Variants in NAV3 observed in about 807,000 individuals in gnomAD.
NAV3 encodes the protein pore membrane and/or filament interacting like protein 1.
Under a neutral mutation model 244.7 loss-of-function variants are expected in NAV3, and 87 were observed. That is an observed-to-expected ratio of 0.36 (90% confidence interval 0.30 to 0.42). The LOEUF is 0.42. Ranked by LOEUF, NAV3 falls within the 20% of genes least tolerant of loss-of-function variation. The pLI, the probability that NAV3 is intolerant of heterozygous loss-of-function variation, is 1.00. For synonymous variants in NAV3, 1,126 were observed against 1,042.2 expected (o/e 1.08, Z -1.55); for missense variants, 2,663 against 2,893.3 (o/e 0.92, Z 1.83).
At chr12:77,708,364 T>C (rs1043139357) in intron 2 of NAV3, among the ~76,000 whole-genome samples, 2 of 152,156 alleles carry the variant, frequency 1.3e-5, no homozygotes, top group Non-Finnish European at 2.9e-5. Flanking sequence ...GATCAGATGG[T>C]TGTAGATGTG....
intron 25 of NAV3, among the ~76,000 whole-genome samples, chr12:78,176,042 A>G (rs1003682776): frequency 6.6e-6 from 1 of 152,046 alleles, no homozygotes; most frequent in African/African-American, 2.4e-5. Flanking sequence ...AATCAACCAC[A>G]TTAGTGTCTG....
intron 2 of NAV3, among the ~76,000 whole-genome samples, chr12:77,776,286 A>G (rs1232464876): frequency 6.6e-6 from 1 of 152,246 alleles, no homozygotes; most frequent in Non-Finnish European, 1.5e-5. Context: ...AAAGGAAGAC[A>G]AGACCATATA....
At chr12:77,668,463 A>G (rs796991980) in intron 2 of NAV3, among the ~76,000 whole-genome samples, 13 of 152,346 alleles carry the variant, frequency 8.5e-5, no homozygotes, top group African/African-American at 2.6e-4. Flanking sequence ...CTAGAAATCA[A>G]GGACACACTT....
intron 1 of NAV3, among the ~76,000 whole-genome samples, chr12:77,932,829 A>G (rs918108289): frequency 1.3e-4 from 20 of 152,122 alleles, no homozygotes; most frequent in Non-Finnish European, 2.8e-4. Flanking sequence ...CTCTTCCTTT[A>G]GTGTTTCCAT....
intron 2 of NAV3, among the ~76,000 whole-genome samples, chr12:77,810,145 C>G (rs1316896242): frequency 6.6e-6 from 1 of 152,022 alleles, no homozygotes; most frequent in African/African-American, 2.4e-5. Context: ...TTTTTTTGTA[C>G]AAGACCCATT....
At chr12:77,642,857 T>C (rs1258417767) in intron 2 of NAV3, among the ~76,000 whole-genome samples, 2 of 152,128 alleles carry the variant, frequency 1.3e-5, no homozygotes, top group Non-Finnish European at 2.9e-5. Flanking sequence ...CTTATACTAG[T>C]TTATTATTAA....
At chr12:77,983,840 C>T (rs1026829465) in intron 5 of NAV3, among the ~76,000 whole-genome samples, 3 of 152,130 alleles carry the variant, frequency 2.0e-5, no homozygotes, top group Admixed American at 6.6e-5. Flanking sequence ...AGAAGTACTT[C>T]GTCTTCTGAG....
intron 2 of NAV3, among the ~76,000 whole-genome samples, chr12:77,774,473 A>G (rs969781328): frequency 3.3e-5 from 5 of 152,230 alleles, no homozygotes; most frequent in African/African-American, 1.2e-4. Flanking sequence ...AAATGTTCAC[A>G]AAAAGCTGAA....
chr12:78,176,490 C>T (rs2611267), intron 26 of NAV3, 31 bp downstream of exon 26: 8 of 1,610,724 alleles, frequency 5.0e-6, no homozygotes, highest in Admixed American at 3.3e-5. Flanking sequence ...ATTTGGCATG[C>T]ATCTATAAAA....
chr12:77,931,105 A>AT (rs57999180), intron 1 of NAV3, among the ~76,000 whole-genome samples: 53,477 of 151,714 alleles, frequency 0.35, 9,931 homozygotes, highest in African/African-American at 0.47. Flanking sequence ...TGGAACTAGT[A>AT]TTTTTTTGAC....
intron 2 of NAV3, among the ~76,000 whole-genome samples, chr12:77,802,014 T>C (rs1339969866): frequency 6.6e-6 from 1 of 152,188 alleles, no homozygotes; most frequent in Non-Finnish European, 1.5e-5. Flanking sequence ...AATAAATGAA[T>C]GATCATGTAG....
chr12:77,946,141 A>G (rs1042820332), intron 3 of NAV3, among the ~76,000 whole-genome samples: 4 of 148,400 alleles, frequency 2.7e-5, no homozygotes, highest in African/African-American at 9.8e-5. Flanking sequence ...ATACACATAT[A>G]TGTACATATA....
chr12:78,184,516 G>A (rs937967487), intron 30 of NAV3, among the ~76,000 whole-genome samples: 2 of 151,790 alleles, frequency 1.3e-5, no homozygotes, highest in Non-Finnish European at 2.9e-5. Flanking sequence ...TTATTGCAAA[G>A]CTCTAAAAGT....
At chr12:78,043,685 G>A (rs1212017617) in intron 9 of NAV3, among the ~76,000 whole-genome samples, 3 of 152,168 alleles carry the variant, frequency 2.0e-5, no homozygotes, top group Non-Finnish European at 4.4e-5. Context: ...ATGACCAGTG[G>A]ATGATGAGCT....
rs534672821 is a variant in NAV3 at position 77,848,860 on chromosome 12, T to A, written c.243+17156T>A. 2.0e-5 allele frequency among the ~76,000 whole-genome samples: 3 copies of A among 152,262 alleles called. No homozygotes were observed. In the South Asian group the frequency reaches 6.2e-4, roughly 32 times the overall value. ...AAACCCAGGTGAAAGCAGAGAAATC[T>A]CCTAATGAGGATTAAAAAAAATCAA... On this transcript the variant is annotated intron_variant, in intron 1 of 39. Transcript: ENST00000397909.
intron 2 of NAV3, among the ~76,000 whole-genome samples, chr12:77,656,274 C>G (rs377565046): frequency 4.9e-5 from 6 of 121,540 alleles, no homozygotes; most frequent in African/African-American, 7.7e-5. Flanking sequence ...TCTACCAAGC[C>G]AATGGAAAAC....
chr12:77,648,899 A>G (rs949936899), intron 2 of NAV3, among the ~76,000 whole-genome samples: 1 of 152,218 alleles, frequency 6.6e-6, no homozygotes, highest in African/African-American at 2.4e-5. Flanking sequence ...TGTTTCTGAC[A>G]TAATTCATTC....
intron 2 of NAV3, among the ~76,000 whole-genome samples, chr12:77,782,675 G>A (rs1387426385): frequency 3.3e-5 from 5 of 151,694 alleles, no homozygotes; most frequent in South Asian, 4.2e-4. Context: ...ATACCCTTAA[G>A]TCTTTCATAG....
rs531494778 is a variant in NAV3, at chr12:77,708,622, T to A, written c.72+136356T>A. On this transcript the variant is annotated intron_variant, in intron 2 of 8. Coordinates refer to the NAV3 transcript ENST00000550042. ...AAGGTCATTGGTAGCTTGATGGGGATGGCATTGAATCTATAAATTACCTTG... is the reference window on the plus strand; with the variant it reads ...AAGGTCATTGGTAGCTTGATGGGGAAGGCATTGAATCTATAAATTACCTTG... Among the ~76,000 whole-genome samples the A allele has an allele frequency of 5.9e-5, 9 of 152,306 alleles. No homozygotes were observed. The East Asian group carries it at 1.7e-3, about 29-fold the overall frequency.
Sources: gnomAD v4.1 joint callset for allele counts (sites outside exome capture counted in the v4.1 genomes callset) on GRCh38, gnomAD v4.1.1 for gene constraint, MANE v1.5 for transcripts, NCBI Gene and HGNC (gene_info 2026-07-23, HGNC 2026-07-21) for gene names.